Variants in ATP1B4 observed in about 807,000 individuals in gnomAD.
The protein encoded by ATP1B4 is ATPase Na+/K+ transporting family member beta 4.
ATP1B4 carries 32 observed loss-of-function variants against 29.6 expected under a neutral mutation model. The observed-to-expected ratio is 1.08, with a 90% CI of 0.82 to 1.45. The LOEUF is 1.45. Ranked by LOEUF, ATP1B4 falls within the 40% of genes most tolerant of loss-of-function variation. The pLI, the probability that ATP1B4 is intolerant of heterozygous loss-of-function variation, is 0.00. For missense variants in ATP1B4, 323 were observed against 276.2 expected (o/e 1.17, Z -1.20); for synonymous variants, 127 against 102.1 (o/e 1.24, Z -1.47).
Position 120,379,791 on chromosome X carries a change from C to G in ATP1B4, c.*157C>G, listed in dbSNP as rs1223284847. On this transcript the variant is annotated 3_prime_UTR_variant, in exon 8 of 8. Transcript: ENST00000218008. The stretch of plus-strand genomic sequence containing the variant: ...TGCCTATGACATGTGTATAAAATGA[C>G]ATTGTGGGAGCTGTTCGATTTTTTA... 1 of 520,218 alleles carries G rather than the reference C, an allele frequency of 1.9e-6. No homozygotes were observed. Among genetic ancestry groups the G allele is most frequent in the Non-Finnish European group, 2.9e-6 (1 of 345,722 alleles). 42.9% of individuals were successfully genotyped at this position (520,218 alleles called of 1,213,427 possible).
intron 1 of ATP1B4, among the ~76,000 whole-genome samples, chrX:120,364,771 C>T (rs139700523): frequency 1.8e-5 from 2 of 112,228 alleles, no homozygotes; most frequent in Admixed American, 1.9e-4. Flanking sequence ...GGCTGGAGTA[C>T]AGTGGCATGA....
rs2058386014 is a variant in ATP1B4 at position 120,382,739 on chromosome X, A to C, written c.*3105A>C. 1 of 112,542 alleles carries C rather than the reference A, an allele frequency of 8.9e-6. No homozygotes were observed. 9.3% of individuals were successfully genotyped at this position (112,542 alleles called of 1,213,427 possible). A position where few individuals can be genotyped will look rare whatever the true frequency, so the allele number is the denominator to read the frequency against. On this transcript the variant is annotated 3_prime_UTR_variant, in exon 8 of 8. Coordinates refer to ENST00000218008, the MANE Select transcript of ATP1B4 (RefSeq NM_001142447.3). ...TATCCTGTTAAATGCATTGACTATT[A>C]GACAAGGAATTATGAATCATTTGTC... is the stretch of plus-strand genomic sequence containing the variant.
chrX:120,375,803 T>C (rs2058351346), intron 5 of ATP1B4, among the ~76,000 whole-genome samples: 1 of 109,467 alleles, frequency 9.1e-6, no homozygotes, highest in African/African-American at 3.3e-5. Context: ...TGATGGCCTT[T>C]GTCAAGAATG....
At chrX:120,375,252 C>G (rs2058346526) in intron 4 of ATP1B4, 120 bp from the exon 5 acceptor site, 3 of 612,478 alleles carry the variant, frequency 4.9e-6, no homozygotes, top group Non-Finnish European at 7.7e-6. Context: ...ACTGAGTGGG[C>G]TTTCAGAGGA....
chrX:120,375,780 C>T (rs376869644), intron 5 of ATP1B4, among the ~76,000 whole-genome samples: 21 of 108,910 alleles, frequency 1.9e-4, no homozygotes, highest in African/African-American at 6.4e-4. Context: ...CCCTCACCCC[C>T]AAACCTGTCA....
intron 2 of ATP1B4, among the ~76,000 whole-genome samples, chrX:120,368,108 C>A (rs1412960592): frequency 9.0e-6 from 1 of 111,634 alleles, no homozygotes; most frequent in African/African-American, 3.3e-5. Context: ...ATGAGCTGAT[C>A]CAAATTGCTT....
At chrX:120,376,309 G>C in intron 5 of ATP1B4, 71 bp from the exon 6 acceptor site, 2 of 1,072,913 alleles carry the variant, frequency 1.9e-6, no homozygotes, top group Non-Finnish European at 1.3e-6. Flanking sequence ...AGGAAGGTTA[G>C]AAAAGCCCAA....
At chrX:120,367,645 G>GA (rs968621256) in intron 2 of ATP1B4, among the ~76,000 whole-genome samples, 6 of 110,797 alleles carry the variant, frequency 5.4e-5, no homozygotes, top group South Asian at 3.8e-4. Flanking sequence ...ATCCACAGAA[G>GA]AAAAAAAATA....
At position 120,379,753 on chromosome X, in the gene ATP1B4, G is replaced by A. The variant is rs1462003402; in HGVS notation, c.*119G>A. ...AGCCAGATGGACATCTAAGACAGCC[G>A]ATCATCTTTCCTTGCCTATGACATG... On this transcript the variant is annotated 3_prime_UTR_variant, in exon 8 of 8. Coordinates refer to ENST00000218008, the MANE Select transcript of ATP1B4 (RefSeq NM_001142447.3). 2.3e-5 allele frequency: 17 copies of A among 746,444 alleles called. No individual in the cohort carries two copies. The highest frequency in any genetic ancestry group is 9.9e-5 in the South Asian group (3 of 30,284). The allele number at this position is 746,444 out of a possible 1,213,427, so 61.5% of individuals were successfully genotyped here.
rs201073630 is a variant in ATP1B4 at position 120,366,508 on chromosome X, T to C, written c.64-17T>C. The C allele has an allele frequency of 4.0e-3, 4,778 of 1,192,319 alleles. 12 individuals carry two copies. Among genetic ancestry groups the C allele is most frequent in the Non-Finnish European group, 4.7e-3 (4,166 of 884,106 alleles). On this transcript the variant is annotated splice_polypyrimidine_tract_variant and intron_variant, in intron 1 of 7. Coordinates refer to ENST00000218008, the MANE Select transcript of ATP1B4 (RefSeq NM_001142447.3). ...ATTTTTTTTCAAAAAGGGTATTGTG[T>C]TTTGTCACTGTTCCAGGATGATCCG...
Position 120,382,521 on chromosome X carries a change from C to T in ATP1B4, c.*2887C>T, listed in dbSNP as rs1331749535. ...GATATTAGAGAGTGTTTAGAAAAAA[C>T]AACTTGCATTGCATCTGACTCCAGG... On this transcript the variant is annotated 3_prime_UTR_variant, in exon 8 of 8. Transcript: ENST00000218008. The T allele has an allele frequency of 8.9e-6, 1 of 112,017 alleles. No homozygotes were observed. The highest frequency in any genetic ancestry group is 1.9e-5 in the Non-Finnish European group (1 of 53,179). 9.2% of individuals were successfully genotyped at this position (112,017 alleles called of 1,213,427 possible).
At chrX:120,377,346 G>A (rs1245714670) in intron 6 of ATP1B4, among the ~76,000 whole-genome samples, 1 of 112,421 alleles carries the variant, frequency 8.9e-6, no homozygotes, top group Admixed American at 9.4e-5. Context: ...TATTACATGT[G>A]CTGTGAAAAG....
rs1407383143 is a variant in ATP1B4 at position 120,376,425 on chromosome X, T to C, written c.805T>C (p.Cys269Arg). The change falls in exon 6 of 8, where the codon TGC (cysteine) becomes CGC (arginine). Residue 269 changes from cysteine to arginine, a missense_variant. By Grantham distance (180) the Cys-to-Arg change is radical. Coordinates refer to ENST00000218008, the MANE Select transcript of ATP1B4 (RefSeq NM_001142447.3). ...PELGDPVKVS[C>R]KVQRGDENDI... is the part of the protein sequence containing the mutation. ...GCTTGGAGATCCTGTGAAGGTTTCC[T>C]GCAAAGTTCAGGTAAAGAGTCCTTT... 1.7e-6 allele frequency: 2 copies of C among 1,210,028 alleles called. No homozygotes were observed. The highest frequency in any genetic ancestry group is 4.3e-5 in the Admixed American group (2 of 46,043).
intron 1 of ATP1B4, among the ~76,000 whole-genome samples, chrX:120,363,109 C>G (rs145815278): frequency 1.7e-3 from 194 of 112,366 alleles, no homozygotes; most frequent in African/African-American, 6.1e-3. Context: ...GAAATGTTCC[C>G]CAGAGAGGAT....
At chrX:120,374,334 G>A (rs1004715988) in intron 4 of ATP1B4, among the ~76,000 whole-genome samples, 3 of 105,738 alleles carry the variant, frequency 2.8e-5, no homozygotes, top group Admixed American at 1.1e-4. Flanking sequence ...ACTGAACCAC[G>A]AGCAGGTAGC....
At chrX:120,370,130 A>T (rs2058306042) in intron 2 of ATP1B4, among the ~76,000 whole-genome samples, 1 of 111,580 alleles carries the variant, frequency 9.0e-6, no homozygotes, top group African/African-American at 3.3e-5. Flanking sequence ...ACCCTGTGTT[A>T]GTGTTCTTTT....
intron 1 of ATP1B4, 137 bp from the exon 2 acceptor site, chrX:120,366,388 C>T: frequency 8.4e-6 from 6 of 710,865 alleles, no homozygotes; most frequent in Non-Finnish European, 1.2e-5. Flanking sequence ...CCTCTTGTAA[C>T]AACATGTATG....
rs191689713 is a variant in ATP1B4, at chrX:120,375,040, T to C, written c.563-332T>C. ...CCTTCCAAGTTTACAGTTTATCATG[T>C]CTGAAAAGAAATGGTGGAAAATAGA... On this transcript the variant is annotated intron_variant, in intron 4 of 7. Coordinates refer to ENST00000218008, the MANE Select transcript of ATP1B4 (RefSeq NM_001142447.3). Among the ~76,000 whole-genome samples, 487 of 106,854 alleles carry C rather than the reference T, an allele frequency of 4.6e-3. 3 individuals are homozygous for C. The highest frequency in any genetic ancestry group is 7.7e-3 in the South Asian group (19 of 2,475). The allele number at this position is 106,854 out of a possible 115,157, so 92.8% of individuals were successfully genotyped here. A position where few individuals can be genotyped will look rare whatever the true frequency, so the allele number is the denominator to read the frequency against.
intron 5 of ATP1B4, 114 bp from the exon 6 acceptor site, chrX:120,376,262 AATAG>A (rs2147256497): frequency 1.2e-5 from 8 of 643,297 alleles, no homozygotes; most frequent in South Asian, 2.8e-5. Flanking sequence ...GAGAAGGCGA[AATAG>A]ATGAAGCATA....
Sources: allele counts gnomAD v4.1 joint callset (sites outside exome capture counted in the v4.1 genomes callset), GRCh38; gene constraint gnomAD v4.1.1; transcripts MANE v1.5; gene names NCBI Gene and HGNC (gene_info 2026-07-23, HGNC 2026-07-21).